PHTF2: variants seen among roughly 807,000 people sequenced by gnomAD.
PHTF2 encodes putative homeodomain transcription factor 2, also known as protein PHTF2.
PHTF2 carries 60 observed loss-of-function variants against 101.2 expected under a neutral mutation model. That is an observed-to-expected ratio of 0.59 (90% CI 0.48 to 0.73). PHTF2 has a LOEUF of 0.73. PHTF2 is among the 30% of genes least tolerant of loss of function. The pLI is 0.00. For missense variants in PHTF2, 747 were observed against 908.7 expected (o/e 0.82, Z 2.29); for synonymous variants, 311 against 307.3 (o/e 1.01, Z -0.13).
At chr7:77,906,975 T>A (rs551646893) in intron 7 of PHTF2, among the ~76,000 whole-genome samples, 7 of 149,936 alleles carry the variant, frequency 4.7e-5, no homozygotes, top group Non-Finnish European at 1.0e-4. Flanking sequence ...CAATGTTAAG[T>A]ATACATTTAC....
At chr7:77,925,964 G>A (rs1267100521) in intron 11 of PHTF2, among the ~76,000 whole-genome samples, 3 of 151,768 alleles carry the variant, frequency 2.0e-5, no homozygotes, top group Non-Finnish European at 2.9e-5. Flanking sequence ...GCTGTGGCAG[G>A]AGAATCACTT....
intron 9 of PHTF2, among the ~76,000 whole-genome samples, chr7:77,918,250 A>G (rs969197787): frequency 1.3e-5 from 2 of 151,988 alleles, no homozygotes; most frequent in Non-Finnish European, 2.9e-5. Context: ...AGTCTGGTTC[A>G]TTCTACACAT....
intron 1 of PHTF2, among the ~76,000 whole-genome samples, chr7:77,817,013 G>T (rs1793904637): frequency 1.3e-5 from 2 of 152,174 alleles, no homozygotes; most frequent in South Asian, 4.1e-4. Flanking sequence ...ATTGTGAATA[G>T]TGCTGCAATA....
At chr7:77,851,621 A>T in intron 2 of PHTF2, among the ~76,000 whole-genome samples, 1 of 137,190 alleles carries the variant, frequency 7.3e-6, no homozygotes. Flanking sequence ...TTTTTTGGAG[A>T]CAGATCTCAC....
intron 3 of PHTF2, chr7:77,854,846 C>T (rs1024285900): frequency 1.3e-6 from 1 of 755,974 alleles, no homozygotes; most frequent in Non-Finnish European, 2.4e-6. Context: ...TGAGTAATGC[C>T]AGGCCTGTTC....
At chr7:77,861,716 AG>A (rs1185032994) in intron 3 of PHTF2, among the ~76,000 whole-genome samples, 1 of 152,186 alleles carries the variant, frequency 6.6e-6, no homozygotes, top group Non-Finnish European at 1.5e-5. Flanking sequence ...TGAGGCCGGA[AG>A]TTTGAGAAGA....
chr7:77,954,867 A>T, exon 20 of PHTF2: 3 of 1,514,360 alleles, frequency 2.0e-6, no homozygotes, highest in Non-Finnish European at 2.7e-6. Flanking sequence ...GCTATGGAAG[A>T]TTAAGTCATG....
intron 1 of PHTF2, among the ~76,000 whole-genome samples, chr7:77,823,501 G>C (rs1286960010): frequency 6.6e-6 from 1 of 152,252 alleles, no homozygotes; most frequent in African/African-American, 2.4e-5. Flanking sequence ...TTACAGGCCT[G>C]AGCCACCGTG....
chr7:77,815,037 C>T (rs1444346208), intron 1 of PHTF2, among the ~76,000 whole-genome samples: 1 of 151,688 alleles, frequency 6.6e-6, no homozygotes, highest in Non-Finnish European at 1.5e-5. Context: ...ATATCACGCC[C>T]CTGCAGTCCA....
intron 3 of PHTF2, among the ~76,000 whole-genome samples, chr7:77,864,986 T>C (rs972461940): frequency 9.9e-5 from 15 of 152,206 alleles, no homozygotes; most frequent in Admixed American, 6.5e-4. Flanking sequence ...TTGTTCTGTC[T>C]TAATAATAGG....
At chr7:77,847,900 A>G (rs1796435226) in intron 2 of PHTF2, among the ~76,000 whole-genome samples, 1 of 152,034 alleles carries the variant, frequency 6.6e-6, no homozygotes, top group African/African-American at 2.4e-5. Flanking sequence ...TCTACTCTAC[A>G]TTTTCATGAG....
chr7:77,875,460 T>TA (rs1798849529), intron 3 of PHTF2, among the ~76,000 whole-genome samples: 1 of 152,026 alleles, frequency 6.6e-6, no homozygotes, highest in African/African-American at 2.4e-5. Flanking sequence ...CAACATTGTT[T>TA]AAGTAAAGTA....
At chr7:77,838,829 C>T (rs963738793) in intron 1 of PHTF2, among the ~76,000 whole-genome samples, 12 of 152,040 alleles carry the variant, frequency 7.9e-5, no homozygotes, top group Non-Finnish European at 7.4e-5. Context: ...TGAATTTGAT[C>T]AGTTAGAGTC....
At chr7:77,822,218 G>A (rs868691399) in intron 1 of PHTF2, among the ~76,000 whole-genome samples, 1 of 152,140 alleles carries the variant, frequency 6.6e-6, no homozygotes, top group South Asian at 2.1e-4. Flanking sequence ...GGGAAGGGAG[G>A]TTGGTTTCCC....
At chr7:77,884,923 T>TA (rs1317141752) in intron 3 of PHTF2, among the ~76,000 whole-genome samples, 1 of 151,806 alleles carries the variant, frequency 6.6e-6, no homozygotes. Flanking sequence ...AATAAATAAA[T>TA]AAAAATATGG....
intron 3 of PHTF2, among the ~76,000 whole-genome samples, chr7:77,870,178 G>A (rs1798398026): frequency 6.7e-6 from 1 of 148,320 alleles, no homozygotes; most frequent in African/African-American, 2.5e-5. Flanking sequence ...GTCCTGAAGT[G>A]TTTCTCCAAT....
At chr7:77,945,725 A>T (rs1001742847) in intron 16 of PHTF2, among the ~76,000 whole-genome samples, 1 of 152,178 alleles carries the variant, frequency 6.6e-6, no homozygotes, top group Non-Finnish European at 1.5e-5. Context: ...AGTTGAAGGC[A>T]TCAGTGGCCA....
At chr7:77,939,478 T>G (rs951908829) in intron 13 of PHTF2, among the ~76,000 whole-genome samples, 1 of 150,300 alleles carries the variant, frequency 6.7e-6, no homozygotes, top group Non-Finnish European at 1.5e-5. Context: ...CTGGGGGCGG[T>G]GGTGTATACC....
chr7:77,925,509 T>G (rs1407812358), intron 11 of PHTF2, among the ~76,000 whole-genome samples: 2 of 129,890 alleles, frequency 1.5e-5, no homozygotes, highest in East Asian at 2.1e-4. Flanking sequence ...TTTTTTTTTT[T>G]TTTTTTTTTT....
Sources: gnomAD v4.1 joint callset for allele counts (sites outside exome capture counted in the v4.1 genomes callset) on GRCh38, gnomAD v4.1.1 for gene constraint, MANE v1.5 for transcripts, NCBI Gene and HGNC (gene_info 2026-07-23, HGNC 2026-07-21) for gene names.